AGBL4: variants seen among roughly 807,000 people sequenced by gnomAD.
The protein encoded by AGBL4 is cytosolic carboxypeptidase 6.
A neutral mutation model predicts 66.4 loss-of-function variants in AGBL4; 58 were observed. That is an observed-to-expected ratio of 0.87 (90% CI 0.71 to 1.09). The LOEUF is 1.09. Among genes scored for constraint, AGBL4 ranks in the 50% least tolerant of loss-of-function variants. The pLI is 0.00. For synonymous variants in AGBL4, 234 were observed against 222.9 expected (o/e 1.05, Z -0.44); for missense variants, 579 against 631.0 (o/e 0.92, Z 0.88).
intron 6 of AGBL4, among the ~76,000 whole-genome samples, chr1:48,765,914 G>A (rs1644506052): frequency 6.6e-6 from 1 of 152,166 alleles, no homozygotes; most frequent in African/African-American, 2.4e-5. Context: ...AGGGGGAAAA[G>A]GGCAATAAAG....
chr1:48,859,014 G>A (rs915035076), intron 6 of AGBL4, among the ~76,000 whole-genome samples: 2 of 151,576 alleles, frequency 1.3e-5, no homozygotes, highest in African/African-American at 4.9e-5. Context: ...TTGAATTTAT[G>A]GTCATATGAC....
chr1:49,677,828 T>C (rs1034331286), intron 3 of AGBL4, among the ~76,000 whole-genome samples: 8 of 152,144 alleles, frequency 5.3e-5, no homozygotes, highest in Non-Finnish European at 2.9e-5. Context: ...CTTGCTTGCT[T>C]TCTCCACAGT....
chr1:50,001,686 TA>T (rs1280922580), intron 1 of AGBL4, among the ~76,000 whole-genome samples: 3 of 152,088 alleles, frequency 2.0e-5, no homozygotes, highest in African/African-American at 7.2e-5. Flanking sequence ...TGTCCCCTGC[TA>T]AAGGTGGCAC....
chr1:49,517,516 A>G (rs2148795213), intron 3 of AGBL4, among the ~76,000 whole-genome samples: 1 of 152,132 alleles, frequency 6.6e-6, no homozygotes, highest in East Asian at 1.9e-4. Context: ...GCATGAAGAC[A>G]AAGGAGAATG....
chr1:48,772,953 C>T lies in AGBL4; in HGVS notation c.634+94238G>A, dbSNP rs527428172. Among the ~76,000 whole-genome samples the T allele has an allele frequency of 2.6e-4, 40 of 152,226 alleles. No individual in the cohort carries two copies. The South Asian group carries it at 3.7e-3, about 14-fold the overall frequency. On this transcript the variant is annotated intron_variant, in intron 6 of 13. Transcript: ENST00000371839. ...AATTACACACTCCCTGAGGATGATA[C>T]CCATTTCTTTTCCATCACTCCCTCC...
chr1:49,710,230 C>T (rs1647543490), intron 2 of AGBL4, among the ~76,000 whole-genome samples: 2 of 152,112 alleles, frequency 1.3e-5, no homozygotes, highest in African/African-American at 4.8e-5. Context: ...GAAAATGTGG[C>T]ACATATACAC....
chr1:48,756,815 G>A (rs1299180255), intron 6 of AGBL4, among the ~76,000 whole-genome samples: 4 of 152,190 alleles, frequency 2.6e-5, no homozygotes, highest in Admixed American at 1.3e-4. Flanking sequence ...GAGAGGATAG[G>A]GTGGGTGGTC....
intron 4 of AGBL4, among the ~76,000 whole-genome samples, chr1:49,072,222 T>C (rs1257807696): frequency 1.3e-5 from 2 of 152,204 alleles, no homozygotes; most frequent in African/African-American, 2.4e-5. Flanking sequence ...GTCTTTTAAT[T>C]GGGGCATTTA....
chr1:49,254,089 T>A (rs1207910656), intron 3 of AGBL4, among the ~76,000 whole-genome samples: 2 of 152,092 alleles, frequency 1.3e-5, no homozygotes, highest in Admixed American at 6.6e-5. Context: ...TGGAAGCATT[T>A]CCCTTGAAAA....
At chr1:49,736,820 A>G (rs751742796) in intron 2 of AGBL4, among the ~76,000 whole-genome samples, 8 of 146,100 alleles carry the variant, frequency 5.5e-5, no homozygotes, top group South Asian at 2.2e-4. Flanking sequence ...TCAACAAGGG[A>G]AAAAAAAAAA....
At chr1:49,548,248 A>G (rs940204274) in intron 3 of AGBL4, among the ~76,000 whole-genome samples, 1 of 152,158 alleles carries the variant, frequency 6.6e-6, no homozygotes, top group African/African-American at 2.4e-5. Flanking sequence ...TTGTCAGCAA[A>G]CAGTGACCGT....
intron 3 of AGBL4, among the ~76,000 whole-genome samples, chr1:49,623,257 C>A (rs1645402588): frequency 6.6e-6 from 1 of 152,110 alleles, no homozygotes; most frequent in Non-Finnish European, 1.5e-5. Flanking sequence ...GCTGTCTCTG[C>A]CCTTTTTTTA....
intron 1 of AGBL4, among the ~76,000 whole-genome samples, chr1:49,866,953 G>A (rs1646716546): frequency 6.6e-6 from 1 of 152,054 alleles, no homozygotes; most frequent in Non-Finnish European, 1.5e-5. Context: ...GTAAGCCTGA[G>A]GACATTTTAA....
chr1:49,593,390 G>C (rs994408300), intron 3 of AGBL4, among the ~76,000 whole-genome samples: 2 of 152,098 alleles, frequency 1.3e-5, no homozygotes, highest in African/African-American at 2.4e-5. Flanking sequence ...CTGGGTGACA[G>C]AGCAAGACTC....
At chr1:49,748,111 A>G (rs1324026622) in intron 2 of AGBL4, among the ~76,000 whole-genome samples, 1 of 152,140 alleles carries the variant, frequency 6.6e-6, no homozygotes, top group Non-Finnish European at 1.5e-5. Context: ...TGCTGCACCC[A>G]TCAAACCGTC....
At chr1:48,791,373 C>T (rs1292279873) in intron 6 of AGBL4, among the ~76,000 whole-genome samples, 1 of 152,174 alleles carries the variant, frequency 6.6e-6, no homozygotes, top group East Asian at 1.9e-4. Flanking sequence ...TCACCTTCCC[C>T]TTGGAGTCTA....
intron 5 of AGBL4, among the ~76,000 whole-genome samples, chr1:48,897,954 C>T (rs1274126929): frequency 6.6e-6 from 1 of 151,926 alleles, no homozygotes; most frequent in African/African-American, 2.4e-5. Context: ...GGACTACAGG[C>T]ACATGCCACC....
At chr1:49,667,995 T>C (rs753256884) in intron 3 of AGBL4, among the ~76,000 whole-genome samples, 1 of 152,166 alleles carries the variant, frequency 6.6e-6, no homozygotes, top group African/African-American at 2.4e-5. Context: ...GTTGTGAAGA[T>C]GCAATAACAT....
chr1:49,842,150 C>A, intron 2 of AGBL4: 1 of 391,654 alleles, frequency 2.6e-6, no homozygotes, highest in South Asian at 2.4e-5. Context: ...AAGGACCACC[C>A]ACACTGCATT....
Sources: allele counts gnomAD v4.1 joint callset (sites outside exome capture counted in the v4.1 genomes callset), GRCh38; gene constraint gnomAD v4.1.1; transcripts MANE v1.5; gene names NCBI Gene and HGNC (gene_info 2026-07-23, HGNC 2026-07-21).